The following ATM variants were observed in gnomAD, a reference collection of about 807,000 sequenced individuals.
ATM encodes the protein ATM serine/threonine kinase, also known as serine-protein kinase ATM.
ATM carries 308 observed loss-of-function variants against 387.0 expected under a neutral mutation model. That is an observed-to-expected ratio of 0.80 (90% confidence interval 0.73 to 0.87). The LOEUF (loss-of-function observed/expected upper bound fraction) is 0.87, where lower values mean the gene tolerates loss of function less well. Among genes scored for constraint, ATM ranks in the 40% least tolerant of loss-of-function variants. The pLI, the probability that ATM is intolerant of heterozygous loss-of-function variation, is 0.00. For missense variants in ATM, 3,312 were observed against 3,560.9 expected (o/e 0.93, Z 1.78); for synonymous variants, 1,156 against 1,187.3 (o/e 0.97, Z 0.54).
chr11:108,292,752 C>A lies in ATM; in HGVS notation c.4570C>A (p.Leu1524Ile), dbSNP rs780603110. 3 of 1,614,036 alleles carry A rather than the reference C, an allele frequency of 1.9e-6. No homozygotes were observed. The Admixed American group carries it at 5.0e-5, about 27-fold the overall frequency. The change falls in exon 30 of 63, where the codon CTT becomes ATT. Residue 1524 changes from leucine to isoleucine, a missense_variant. By Grantham distance (5) the Leu-to-Ile change is conservative. Transcript: ENST00000675843. The part of the protein sequence containing the change: ...ENHLHVIVGT[L>I]IPLVYEQVEV... ...CCATCTTCATGTTATTGTTGGTACA[C>A]TTATACCCCTTGTGTATGAGCAGGT...
intron 56 of ATM, among the ~76,000 whole-genome samples, chr11:108,339,867 G>A (rs1468344878): frequency 6.6e-6 from 1 of 152,118 alleles, no homozygotes; most frequent in South Asian, 2.1e-4. Context: ...CTCAAAGACA[G>A]CAGGGGAGAG....
rs988441570 is a variant in ATM at position 108,227,882 on chromosome 11, T to C, written c.179T>C (p.Val60Ala). 6.2e-7 allele frequency: 1 copy of C among 1,606,980 alleles called. No homozygotes were observed. The highest frequency in any genetic ancestry group is 1.3e-5 in the African/African-American group (1 of 74,730). ...KQGKYLNWDA[V>A]FRFLQKYIQK... ...GGAAAATATTTGAATTGGGATGCTG[T>C]TTTTAGGTATTCTATTCAAATTTAT... The change falls in exon 3 of 63, where the codon GTT becomes GCT. Residue 60 changes from valine to alanine, a missense_variant. Around this residue, in one of 4 missense-constraint regions of ATM, gnomAD observed 1,791 missense variants for 1,804.5 expected, o/e 0.99. Transcript: ENST00000675843.
At chr11:108,283,754 A>G (rs1383429931) in intron 25 of ATM, among the ~76,000 whole-genome samples, 1 of 152,190 alleles carries the variant, frequency 6.6e-6, no homozygotes, top group Non-Finnish European at 1.5e-5. Flanking sequence ...GAACCCACGT[A>G]TATGAAAAGT....
At chr11:108,258,758 A>G (rs536154879) in intron 15 of ATM, among the ~76,000 whole-genome samples, 16 of 152,300 alleles carry the variant, frequency 1.1e-4, no homozygotes, top group Admixed American at 3.3e-4. Context: ...TAGCTCACTT[A>G]TCTTTAGGGT....
intron 55 of ATM, among the ~76,000 whole-genome samples, chr11:108,335,575 T>C (rs1203236794): frequency 6.6e-6 from 1 of 152,202 alleles, no homozygotes; most frequent in African/African-American, 2.4e-5. Flanking sequence ...CAGTGCTGTT[T>C]TACTCAGGTG....
chr11:108,364,321 T>C (rs547317722), intron 61 of ATM, among the ~76,000 whole-genome samples: 1 of 152,338 alleles, frequency 6.6e-6, no homozygotes, highest in Non-Finnish European at 1.5e-5. Context: ...AGCCTATTTT[T>C]TTTAAAGTTC....
At chr11:108,280,543 G>A (rs2082177559) in intron 23 of ATM, among the ~76,000 whole-genome samples, 1 of 151,710 alleles carries the variant, frequency 6.6e-6, no homozygotes, top group South Asian at 2.1e-4. Context: ...GTGTGATACG[G>A]GTATACAATG....
At chr11:108,341,947 C>T (rs1018296101) in intron 56 of ATM, among the ~76,000 whole-genome samples, 4 of 152,180 alleles carry the variant, frequency 2.6e-5, no homozygotes, top group Admixed American at 6.5e-5. Context: ...GTATCTCTGG[C>T]TCAGCTGTTA....
At position 108,325,308 on chromosome 11, in the gene ATM, A is replaced by C. The variant is rs751168951; in HGVS notation, c.6573-2A>C. ...ACATGAACTCTATGTCGTGGCATTCAGATCAGTCACACATAGACAACTCTC... is the reference window on the plus strand; with the variant it reads ...ACATGAACTCTATGTCGTGGCATTCCGATCAGTCACACATAGACAACTCTC... On this transcript the variant is annotated splice_acceptor_variant, in intron 45 of 62. Coordinates refer to ENST00000675843, the MANE Select transcript of ATM (RefSeq NM_000051.4). LOFTEE classifies it high-confidence loss of function. 6.6e-7 allele frequency: 1 copy of C among 1,521,934 alleles called. No individual in the cohort carries two copies. 94.3% of individuals were successfully genotyped at this position (1,521,934 alleles called of 1,614,324 possible). A position where few individuals can be genotyped will look rare whatever the true frequency, so the allele number is the denominator to read the frequency against.
intron 40 of ATM, among the ~76,000 whole-genome samples, chr11:108,312,919 G>T (rs916039246): frequency 6.6e-6 from 1 of 151,978 alleles, no homozygotes; most frequent in Non-Finnish European, 1.5e-5. Flanking sequence ...TTACTGTCTG[G>T]GATGCTTGCC....
intron 28 of ATM, 91 bp downstream of exon 28, chr11:108,289,194 C>T: frequency 7.7e-7 from 1 of 1,299,388 alleles, no homozygotes; most frequent in Non-Finnish European, 1.1e-6. Flanking sequence ...GAAAAGTAAA[C>T]AAATGAAAAA....
At chr11:108,293,589 A>G in intron 31 of ATM, 112 bp downstream of exon 31, 1 of 1,002,992 alleles carries the variant, frequency 1.0e-6, no homozygotes, top group South Asian at 1.4e-5. Flanking sequence ...AATTGTGATT[A>G]AAAATATATA....
chr11:108,254,684 G>A (rs769295406), intron 13 of ATM, among the ~76,000 whole-genome samples: 4 of 152,078 alleles, frequency 2.6e-5, no homozygotes, highest in Admixed American at 1.3e-4. Context: ...ACAGAGCCTC[G>A]CTCTGTTGCC....
intron 31 of ATM, 69 bp from the exon 32 acceptor site, chr11:108,294,858 C>A (rs2083027900): frequency 7.0e-6 from 11 of 1,574,050 alleles, no homozygotes; most frequent in Admixed American, 1.7e-5. Context: ...TAATTTTTTT[C>A]TTTTATTAAG....
chr11:108,225,832 A>AGT (rs2078710562), intron 1 of ATM: 1 of 152,134 alleles, frequency 6.6e-6, no homozygotes. Context: ...TTTGTAAGAG[A>AGT]CATTCCTTCC....
At chr11:108,268,658 G>T in intron 18 of ATM, 49 bp downstream of exon 18, 1 of 1,565,510 alleles carries the variant, frequency 6.4e-7, no homozygotes, top group South Asian at 1.1e-5. Context: ...TGATGTTGCT[G>T]ACTAAATGTA....
chr11:108,254,185 G>T, intron 13 of ATM, 146 bp downstream of exon 13: 1 of 679,362 alleles, frequency 1.5e-6, no homozygotes, highest in South Asian at 1.8e-5. Context: ...GCTCTAAATT[G>T]GACAACTTAG....
Position 108,316,243 on chromosome 11 carries a change from G to A in ATM, c.6198+130G>A, listed in dbSNP as rs55982799. ...ACTAGAACTTATCTGTTTTTCAGAG[G>A]ATTAGGCTAAACATTCAGGGATACT... On this transcript the variant is annotated intron_variant, in intron 42 of 62. Coordinates refer to ENST00000675843, the MANE Select transcript of ATM (RefSeq NM_000051.4). 3,093 of 960,942 alleles carry A rather than the reference G, an allele frequency of 3.2e-3. 70 individuals carry two copies. The African/African-American group carries it at 0.043, about 13-fold the overall frequency. 59.5% of individuals were successfully genotyped at this position (960,942 alleles called of 1,614,324 possible). A position where few individuals can be genotyped will look rare whatever the true frequency, so the allele number is the denominator to read the frequency against.
At position 108,347,319 on chromosome 11, in the gene ATM, T is replaced by A. The variant is rs2137081755; in HGVS notation, c.8625T>A (p.Asn2875Lys). 6.2e-7 allele frequency: 1 copy of A among 1,611,804 alleles called. No homozygotes were observed. The highest frequency in any genetic ancestry group is 2.2e-5 in the East Asian group (1 of 44,764). ...GACTTGGTGATAGACATGTACAGAA[T>A]ATCTTGATAAATGAGCAGTCAGCAG... ...ILGLGDRHVQ[N>K]ILINEQSAEL... is the part of the protein sequence containing the mutation. Residue 2875 changes from asparagine (N) to lysine (K), a missense_variant, in exon 59 of 63, where the codon AAT (asparagine) becomes AAA (lysine). By Grantham distance (94) the Asn-to-Lys change is moderately conservative. Transcript: ENST00000675843.
Sources: allele counts gnomAD v4.1 joint callset (sites outside exome capture counted in the v4.1 genomes callset), GRCh38; gene constraint gnomAD v4.1.1; regional missense constraint gnomAD v4.1.1; transcripts MANE v1.5; gene names NCBI Gene and HGNC (gene_info 2026-07-23, HGNC 2026-07-21).